The following HIVEP2 variants were observed in gnomAD, a reference collection of about 807,000 sequenced individuals.
The protein encoded by HIVEP2 is transcription factor HIVEP2.
A neutral mutation model predicts 180.7 loss-of-function variants in HIVEP2; 14 were observed. The ratio of observed to expected loss-of-function variants is 0.08; its 90% confidence interval spans 0.05 to 0.12. The LOEUF is 0.12. HIVEP2 is among the 10% of genes least tolerant of loss of function. The probability of loss-of-function intolerance (pLI) is 1.00; values close to 1 mark genes in which losing one functional copy is unlikely to be tolerated. For missense variants in HIVEP2, 2,579 were observed against 3,008.5 expected (o/e 0.86, Z 3.34); for synonymous variants, 1,184 against 1,136.4 (o/e 1.04, Z -0.84).
intron 2 of HIVEP2, among the ~76,000 whole-genome samples, chr6:142,833,523 T>A (rs1775147609): frequency 6.6e-6 from 1 of 152,196 alleles, no homozygotes; most frequent in South Asian, 2.1e-4. Context: ...GGCTGCAGCA[T>A]GCTTGTGGAA....
At chr6:142,919,265 T>C (rs1219976933) in intron 1 of HIVEP2, among the ~76,000 whole-genome samples, 3 of 152,234 alleles carry the variant, frequency 2.0e-5, no homozygotes, top group Non-Finnish European at 4.4e-5. Context: ...TAGAAAACAA[T>C]ACTGTTAAAT....
In HIVEP2 at chr6:142,773,117, A is replaced by T. The variant is rs1344745765; in HGVS notation, c.1622T>A (p.Ile541Asn). ...LEAPVDSSPL[I>N]RSNSVPTSSA... ...AGAAGTTGGCACTGAGTTGCTTCTA[A>T]TAAGGGGTGAAGAGTCTACAGGAGC... Residue 541 changes from isoleucine (I) to asparagine (N), a missense_variant, in exon 5 of 10, where the codon ATT becomes AAT. By Grantham distance (149) the Ile-to-Asn change is moderately radical. Around this residue, in one of 11 missense-constraint regions of HIVEP2, gnomAD observed 524 missense variants for 563.6 expected, o/e 0.93. Transcript: ENST00000367603. 1 of 1,614,212 alleles carries T rather than the reference A, an allele frequency of 6.2e-7. No homozygotes were observed. The highest frequency in any genetic ancestry group is 1.1e-5 in the South Asian group (1 of 91,088).
At chr6:142,886,161 A>G (rs1296214660) in intron 1 of HIVEP2, among the ~76,000 whole-genome samples, 2 of 152,204 alleles carry the variant, frequency 1.3e-5, no homozygotes, top group African/African-American at 4.8e-5. Context: ...ACATATACCT[A>G]CTAAATATGG....
At chr6:142,928,224 C>G (rs1011389614) in intron 1 of HIVEP2, among the ~76,000 whole-genome samples, 1 of 152,162 alleles carries the variant, frequency 6.6e-6, no homozygotes, top group East Asian at 1.9e-4. Flanking sequence ...CTGGATTTTG[C>G]TGAGAAGCTA....
chr6:142,770,133 G>C lies in HIVEP2; in HGVS notation c.4606C>G (p.Pro1536Ala). 6.2e-7 allele frequency: 1 copy of C among 1,614,232 alleles called. No individual in the cohort carries two copies. Among genetic ancestry groups the C allele is most frequent in the Non-Finnish European group, 8.5e-7 (1 of 1,180,040 alleles). The change falls in exon 5 of 10, where the codon CCA becomes GCA. Residue 1536 changes from proline to alanine, a missense_variant. By Grantham distance (27) the Pro-to-Ala change is conservative. Coordinates refer to ENST00000367603, the MANE Select transcript of HIVEP2 (RefSeq NM_006734.4). The surrounding 1 kb of genome is among the most constrained non-coding windows in gnomAD (Gnocchi z 4.7). Reference sequence around the variant, plus strand: ...AGCATCTCCTTGCTGGGCAGGAATGGCTCCCTGGAAGACGGGCTAACAGAA... The same window carrying C: ...AGCATCTCCTTGCTGGGCAGGAATGCCTCCCTGGAAGACGGGCTAACAGAA... ...YPSVSPSSREPFLPSKEMLSG... is the reference protein window; with the variant it reads ...YPSVSPSSREAFLPSKEMLSG...
chr6:142,757,082 A>G (rs1775096126), intron 9 of HIVEP2, among the ~76,000 whole-genome samples: 1 of 152,208 alleles, frequency 6.6e-6, no homozygotes, highest in Non-Finnish European at 1.5e-5. Context: ...GAATTCATTC[A>G]TTTCTTCCCA....
chr6:142,942,049 G>A (rs1181343190), intron 1 of HIVEP2, among the ~76,000 whole-genome samples: 1 of 152,098 alleles, frequency 6.6e-6, no homozygotes, highest in South Asian at 2.1e-4. Context: ...TTACATGTCA[G>A]TTATTAAATT....
chr6:142,831,728 T>C, intron 2 of HIVEP2, among the ~76,000 whole-genome samples: 1 of 152,214 alleles, frequency 6.6e-6, no homozygotes, highest in East Asian at 1.9e-4. Flanking sequence ...AAGGGGTTTG[T>C]TACTCTTTTA....
chr6:142,911,394 C>T (rs560517050), intron 1 of HIVEP2, among the ~76,000 whole-genome samples: 3 of 152,150 alleles, frequency 2.0e-5, no homozygotes, highest in Non-Finnish European at 2.9e-5. Flanking sequence ...ATAATCATAT[C>T]TCTTGGTACC....
intron 1 of HIVEP2, among the ~76,000 whole-genome samples, chr6:142,927,936 A>T (rs557605979): frequency 6.6e-6 from 1 of 152,348 alleles, no homozygotes; most frequent in South Asian, 2.1e-4. Context: ...TTTGAGACAG[A>T]TCGTCAACTA....
chr6:142,832,884 C>T (rs973440617), intron 2 of HIVEP2, among the ~76,000 whole-genome samples: 1 of 152,176 alleles, frequency 6.6e-6, no homozygotes, highest in Admixed American at 6.5e-5. Flanking sequence ...ATTTACAGTC[C>T]ACATCTTTCT....
chr6:142,852,229 T>G (rs554432778), intron 1 of HIVEP2, among the ~76,000 whole-genome samples: 1 of 152,368 alleles, frequency 6.6e-6, no homozygotes. Context: ...TATATTATTT[T>G]AAATTTTGTT....
rs1777451892 is a variant in HIVEP2 at position 142,912,935 on chromosome 6, G to A, written c.-641+32164C>T. Among the ~76,000 whole-genome samples the A allele has an allele frequency of 3.3e-5, 5 of 152,296 alleles. 1 individual carries two copies. In the South Asian group the frequency reaches 1.0e-3, roughly 32 times the overall value. On this transcript the variant is annotated intron_variant, in intron 1 of 9. Coordinates refer to ENST00000367603, the MANE Select transcript of HIVEP2 (RefSeq NM_006734.4). ...TATTGCTTGTGCTGCACATTTATAAGGAGAAGAAAAAATCAAATGATTTTA... is the reference window on the plus strand; with the variant it reads ...TATTGCTTGTGCTGCACATTTATAAAGAGAAGAAAAAATCAAATGATTTTA...
chr6:142,809,805 G>A (rs931738956), intron 2 of HIVEP2, among the ~76,000 whole-genome samples: 9 of 152,162 alleles, frequency 5.9e-5, no homozygotes, highest in African/African-American at 2.2e-4. Flanking sequence ...ATGTTGGCAG[G>A]CTGGTCTTGA....
chr6:142,872,066 G>C (rs1439505200), intron 1 of HIVEP2, among the ~76,000 whole-genome samples: 2 of 152,124 alleles, frequency 1.3e-5, no homozygotes, highest in African/African-American at 4.8e-5. Flanking sequence ...GAAGTGGTTT[G>C]ACTGAGTAGC....
intron 1 of HIVEP2, among the ~76,000 whole-genome samples, chr6:142,862,777 G>A (rs1236818787): frequency 7.7e-6 from 1 of 129,954 alleles, no homozygotes; most frequent in African/African-American, 2.9e-5. Context: ...TATATTATAT[G>A]TAATTATATT....
At chr6:142,824,470 C>A (rs1400911380) in intron 2 of HIVEP2, among the ~76,000 whole-genome samples, 4 of 152,168 alleles carry the variant, frequency 2.6e-5, no homozygotes, top group Admixed American at 6.5e-5. Flanking sequence ...AATGAAGAAT[C>A]TTTGTGGGCC....
At chr6:142,899,103 C>T (rs938127740) in intron 1 of HIVEP2, among the ~76,000 whole-genome samples, 2 of 152,136 alleles carry the variant, frequency 1.3e-5, no homozygotes, top group African/African-American at 4.8e-5. Flanking sequence ...TTGACCTGGT[C>T]GTGGCCAAGC....
At chr6:142,795,971 A>T (rs1349706720) in intron 2 of HIVEP2, among the ~76,000 whole-genome samples, 7 of 152,118 alleles carry the variant, frequency 4.6e-5, no homozygotes. Flanking sequence ...TAAGAAGGGG[A>T]TAATAAAGGT....
Sources: allele counts gnomAD v4.1 joint callset (sites outside exome capture counted in the v4.1 genomes callset), GRCh38; gene constraint gnomAD v4.1.1; regional missense constraint gnomAD v4.1.1; non-coding constraint Gnocchi (gnomAD v3.1); transcripts MANE v1.5; gene names NCBI Gene and HGNC (gene_info 2026-07-23, HGNC 2026-07-21).